WDR72: variants seen among roughly 807,000 people sequenced by gnomAD.
WDR72 encodes WD repeat domain 72.
A neutral mutation model predicts 124.2 loss-of-function variants in WDR72; 120 were observed. The observed-to-expected ratio is 0.97, with a 90% CI of 0.83 to 1.12. The LOEUF (loss-of-function observed/expected upper bound fraction) is 1.12, where lower values mean the gene tolerates loss of function less well. Ranked by LOEUF, WDR72 falls within the 50% of genes most tolerant of loss-of-function variation. The pLI is 0.00. For synonymous variants in WDR72, 452 were observed against 441.7 expected (o/e 1.02, Z -0.29); for missense variants, 1,387 against 1,278.8 (o/e 1.08, Z -1.29).
At chr15:53,685,431 C>T (rs200094579) in intron 13 of WDR72, among the ~76,000 whole-genome samples, 12,976 of 119,988 alleles carry the variant, frequency 0.11, 926 homozygotes, top group East Asian at 0.35. Context: ...CCTCAGGAGC[C>T]GACGCGATCA....
intron 1 of WDR72, among the ~76,000 whole-genome samples, chr15:53,734,197 G>T (rs924116736): frequency 1.1e-4 from 16 of 152,030 alleles, no homozygotes; most frequent in African/African-American, 3.4e-4. Context: ...GGTGTGCACT[G>T]ACACTATGAA....
chr15:53,678,622 G>A (rs1019855997), intron 13 of WDR72, among the ~76,000 whole-genome samples: 2 of 152,068 alleles, frequency 1.3e-5, no homozygotes, highest in East Asian at 1.9e-4. Flanking sequence ...GAGACTTTCC[G>A]GCATCAGCCT....
At chr15:53,581,374 T>A (rs2140317996) in intron 18 of WDR72, among the ~76,000 whole-genome samples, 2 of 152,242 alleles carry the variant, frequency 1.3e-5, no homozygotes, top group East Asian at 3.9e-4. Flanking sequence ...TTCATCAAAA[T>A]ATTTACTATG....
chr15:53,610,659 C>A (rs1212826798), intron 16 of WDR72, among the ~76,000 whole-genome samples: 1 of 151,828 alleles, frequency 6.6e-6, no homozygotes, highest in East Asian at 1.9e-4. Context: ...AATTTGAGAA[C>A]ATAAAAGTAA....
At chr15:53,591,844 G>A (rs539858460) in intron 18 of WDR72, among the ~76,000 whole-genome samples, 1 of 152,090 alleles carries the variant, frequency 6.6e-6, no homozygotes, top group South Asian at 2.1e-4. Flanking sequence ...AGAGAGAACT[G>A]TTAAGTGTCT....
At chr15:53,719,453 A>G (rs1840588070) in intron 3 of WDR72, among the ~76,000 whole-genome samples, 1 of 152,090 alleles carries the variant, frequency 6.6e-6, no homozygotes. Flanking sequence ...AGAGCGGTTT[A>G]CTTCAGCTCT....
intron 14 of WDR72, among the ~76,000 whole-genome samples, chr15:53,649,246 T>C (rs904637203): frequency 6.6e-6 from 1 of 152,116 alleles, no homozygotes; most frequent in Non-Finnish European, 1.5e-5. Context: ...GGTTTTGCAT[T>C]ACCAACGCAG....
intron 11 of WDR72, among the ~76,000 whole-genome samples, chr15:53,703,192 G>A (rs1312660022): frequency 1.3e-5 from 2 of 152,122 alleles, no homozygotes; most frequent in African/African-American, 2.4e-5. Context: ...GGGATTACAG[G>A]CGGTAGCCAC....
In WDR72 at chr15:53,517,685, T is replaced by C. The variant is rs1454095139; in HGVS notation, c.*14A>G. On this transcript the variant is annotated 3_prime_UTR_variant, in exon 20 of 20. Coordinates refer to ENST00000360509, the MANE Select transcript of WDR72 (RefSeq NM_182758.4). ...TAATTTGTCCAAATTCAGCTCCTAC[T>C]GATGAGATTCCATTTAAGACACCTT... is the stretch of plus-strand genomic sequence containing the variant. 2.5e-6 allele frequency: 4 copies of C among 1,612,568 alleles called. No homozygotes were observed. Among genetic ancestry groups the C allele is most frequent in the Non-Finnish European group, 3.4e-6 (4 of 1,178,860 alleles).
intron 18 of WDR72, among the ~76,000 whole-genome samples, chr15:53,526,519 C>T (rs1388043777): frequency 2.0e-5 from 3 of 152,064 alleles, no homozygotes; most frequent in Non-Finnish European, 2.9e-5. Flanking sequence ...TAAATTGCTG[C>T]TGTTAGCTAA....
At chr15:53,647,334 A>AT (rs1450891759) in intron 14 of WDR72, among the ~76,000 whole-genome samples, 1 of 152,138 alleles carries the variant, frequency 6.6e-6, no homozygotes. Flanking sequence ...CCTTTCCTAT[A>AT]TTATTTTTGC....
rs762592302 is a variant in WDR72, at chr15:53,712,758, T to C, written c.711+14A>G. 2.4e-5 allele frequency: 38 copies of C among 1,609,198 alleles called. No individual in the cohort carries two copies. In the African/African-American group the frequency reaches 4.5e-4, roughly 19 times the overall value. Reference sequence around the variant, plus strand: ...TTGTACATCACTGGTATTTATTATGTTACTTTATAATACCTTCCAACATTT... The same window carrying C: ...TTGTACATCACTGGTATTTATTATGCTACTTTATAATACCTTCCAACATTT... On this transcript the variant is annotated intron_variant, in intron 7 of 19. Transcript: ENST00000360509.
intron 18 of WDR72, among the ~76,000 whole-genome samples, chr15:53,587,368 C>T (rs2012265961): frequency 6.6e-6 from 1 of 151,900 alleles, no homozygotes; most frequent in South Asian, 2.1e-4. Flanking sequence ...ATTTTAGATA[C>T]CCACATCACT....
At chr15:53,681,105 T>C (rs1447868927) in intron 13 of WDR72, among the ~76,000 whole-genome samples, 1 of 152,206 alleles carries the variant, frequency 6.6e-6, no homozygotes, top group African/African-American at 2.4e-5. Flanking sequence ...GAGTTGGATA[T>C]TATTGATACA....
At chr15:53,670,832 TG>T (rs2140460288) in intron 13 of WDR72, among the ~76,000 whole-genome samples, 2 of 152,284 alleles carry the variant, frequency 1.3e-5, no homozygotes, top group East Asian at 3.9e-4. Context: ...CTCACTCAGC[TG>T]CTTGTGAGCT....
chr15:53,611,195 T>C (rs1338646962), intron 16 of WDR72, among the ~76,000 whole-genome samples: 1 of 152,160 alleles, frequency 6.6e-6, no homozygotes, highest in Non-Finnish European at 1.5e-5. Flanking sequence ...TTTGGCTTCA[T>C]AAAATTAATA....
intron 14 of WDR72, among the ~76,000 whole-genome samples, chr15:53,618,936 C>T (rs2013876940): frequency 1.3e-5 from 2 of 151,984 alleles, no homozygotes; most frequent in African/African-American, 4.8e-5. Context: ...TTCTGTACCT[C>T]ATGTGGGGCA....
chr15:53,713,139 T>C (rs1167928346), intron 6 of WDR72, among the ~76,000 whole-genome samples: 2 of 149,858 alleles, frequency 1.3e-5, no homozygotes, highest in Non-Finnish European at 3.0e-5. Flanking sequence ...CCTGCGTATG[T>C]ACTCCTGAAA....
chr15:53,659,108 C>G (rs1213432988), intron 14 of WDR72, among the ~76,000 whole-genome samples: 1 of 152,128 alleles, frequency 6.6e-6, no homozygotes, highest in Non-Finnish European at 1.5e-5. Context: ...GATGAATAAC[C>G]TATGTCAATG....
Sources: allele counts gnomAD v4.1 joint callset (sites outside exome capture counted in the v4.1 genomes callset), GRCh38; gene constraint gnomAD v4.1.1; transcripts MANE v1.5; gene names NCBI Gene and HGNC (gene_info 2026-07-23, HGNC 2026-07-21).